The following TENM4 variants were observed in gnomAD, a reference collection of about 807,000 sequenced individuals.
TENM4 encodes teneurin-4.
A neutral mutation model predicts 243.3 loss-of-function variants in TENM4; 82 were observed. That is an observed-to-expected ratio of 0.34 (90% CI 0.28 to 0.40). The LOEUF is 0.40. Ranked by LOEUF, TENM4 falls within the 10% of genes least tolerant of loss-of-function variation. The pLI, the probability that TENM4 is intolerant of heterozygous loss-of-function variation, is 1.00. For synonymous variants in TENM4, 1,412 were observed against 1,456.3 expected (o/e 0.97, Z 0.69); for missense variants, 3,138 against 3,673.3 (o/e 0.85, Z 3.77).
At chr11:79,371,535 C>T (rs928840299) in intron 1 of TENM4, among the ~76,000 whole-genome samples, 1 of 152,198 alleles carries the variant, frequency 6.6e-6, no homozygotes, top group Non-Finnish European at 1.5e-5. Flanking sequence ...CTCACAGCCC[C>T]CATGGGCTTC....
intron 1 of TENM4, among the ~76,000 whole-genome samples, chr11:79,320,276 A>G (rs180981320): frequency 6.6e-6 from 1 of 152,186 alleles, no homozygotes; most frequent in Non-Finnish European, 1.5e-5. Context: ...ATGTCTCCAT[A>G]GCATGGAATT....
intron 12 of TENM4, among the ~76,000 whole-genome samples, chr11:78,852,162 A>G (rs1858555850): frequency 6.6e-6 from 1 of 152,200 alleles, no homozygotes; most frequent in Non-Finnish European, 1.5e-5. Flanking sequence ...TCAGACAGAC[A>G]TCTCTAAAAC....
At chr11:78,808,767 G>A (rs1857439237) in intron 14 of TENM4, among the ~76,000 whole-genome samples, 1 of 152,170 alleles carries the variant, frequency 6.6e-6, no homozygotes, top group Non-Finnish European at 1.5e-5. Context: ...GCAGTCTCCT[G>A]ACACCATTCA....
intron 3 of TENM4, among the ~76,000 whole-genome samples, chr11:79,180,852 C>T (rs1365745337): frequency 6.6e-6 from 1 of 150,772 alleles, no homozygotes; most frequent in Admixed American, 6.6e-5. Context: ...TCTGAATAGT[C>T]ATATATATAC....
chr11:79,336,964 T>C (rs1296300927), intron 1 of TENM4, among the ~76,000 whole-genome samples: 4 of 152,142 alleles, frequency 2.6e-5, no homozygotes. Flanking sequence ...TGGAACCACT[T>C]TGAGAAATCC....
chr11:79,267,271 C>T (rs1855898361), intron 2 of TENM4, among the ~76,000 whole-genome samples: 1 of 152,200 alleles, frequency 6.6e-6, no homozygotes, highest in South Asian at 2.1e-4. Flanking sequence ...ATTGCAAAGC[C>T]TTCTTGTCAA....
At chr11:79,189,725 G>T (rs1863442725) in intron 3 of TENM4, among the ~76,000 whole-genome samples, 2 of 152,202 alleles carry the variant, frequency 1.3e-5, no homozygotes, top group African/African-American at 4.8e-5. Flanking sequence ...ATTTTCCTTT[G>T]ATTTGAAATG....
At chr11:78,672,362 A>C in intron 30 of TENM4, 33 bp from the exon 31 acceptor site, 1 of 1,587,722 alleles carries the variant, frequency 6.3e-7, no homozygotes, top group Admixed American at 1.7e-5. Context: ...AGAGAAAATT[A>C]ATCTGGACCA....
At chr11:79,318,674 T>A (rs1856840601) in intron 1 of TENM4, among the ~76,000 whole-genome samples, 1 of 152,208 alleles carries the variant, frequency 6.6e-6, no homozygotes, top group East Asian at 1.9e-4. Context: ...GGGTAGAGTA[T>A]AATGTAGTAA....
At chr11:79,311,308 A>G (rs1856717889) in intron 1 of TENM4, among the ~76,000 whole-genome samples, 1 of 152,168 alleles carries the variant, frequency 6.6e-6, no homozygotes, top group Non-Finnish European at 1.5e-5. Context: ...TTCTGTGCCT[A>G]TGCCTCACAG....
In TENM4 at chr11:78,654,693, A is replaced by C. The variant is rs1857847799; in HGVS notation, c.*3365T>G. ...AGGCACTGGTGTGGTCCTTGGGTTA[A>C]TTCTCAGCCAACAATTCTGAGAGAT... On this transcript the variant is annotated 3_prime_UTR_variant, in exon 34 of 34. Coordinates refer to ENST00000278550, the MANE Select transcript of TENM4 (RefSeq NM_001098816.3). The C allele has an allele frequency of 6.6e-6, 1 of 151,006 alleles. No homozygotes were observed. Among genetic ancestry groups the C allele is most frequent in the Non-Finnish European group, 1.5e-5 (1 of 67,772 alleles). 9.4% of individuals were successfully genotyped at this position (151,006 alleles called of 1,614,324 possible).
rs533965970 is a variant in TENM4 at position 79,263,959 on chromosome 11, G to T, written c.-265+33529C>A. ...AATATGGTATTTTCCATCAACATTTGGTTTAAAAATAATCTGTGTATTAAG... is the reference window on the plus strand; with the variant it reads ...AATATGGTATTTTCCATCAACATTTTGTTTAAAAATAATCTGTGTATTAAG... On this transcript the variant is annotated intron_variant, in intron 2 of 33. Transcript: ENST00000278550. Among the ~76,000 whole-genome samples the T allele has an allele frequency of 3.9e-5, 6 of 152,250 alleles. No homozygotes were observed. In the South Asian group the frequency reaches 1.2e-3, roughly 32 times the overall value.
Position 78,787,078 on chromosome 11 carries a change from A to C in TENM4, c.2185T>G (p.Cys729Gly). 1 of 1,544,514 alleles carries C rather than the reference A, an allele frequency of 6.5e-7. No individual in the cohort carries two copies. Among genetic ancestry groups the C allele is most frequent in the Non-Finnish European group, 8.8e-7 (1 of 1,142,444 alleles). Residue 729 changes from cysteine to glycine, a missense_variant, in exon 16 of 34, where the codon TGT (cysteine) becomes GGT (glycine). Physicochemically the swap from Cys to Gly is radical, Grantham distance 159 (BLOSUM62 -3). Around this residue, in one of 2 missense-constraint regions of TENM4, gnomAD observed 2,467 missense variants for 3,059.1 expected, o/e 0.81. Coordinates refer to ENST00000278550, the MANE Select transcript of TENM4 (RefSeq NM_001098816.3). ...CCATGGCCACCACAGTCGGCAGCAC[A>C]GATCTCTGTGGGGAGGAGCAGAAGA... is the stretch of plus-strand genomic sequence containing the variant. ...WTGHDCSIEI[C>G]AADCGGHGVC...
chr11:78,753,894 G>T (rs905874348), intron 19 of TENM4, among the ~76,000 whole-genome samples: 10 of 152,162 alleles, frequency 6.6e-5, no homozygotes, highest in Admixed American at 2.0e-4. Flanking sequence ...ACAATGATCT[G>T]CAAAGTTGAC....
At chr11:78,725,983 G>A in intron 23 of TENM4, 96 bp downstream of exon 23, 1 of 1,512,530 alleles carries the variant, frequency 6.6e-7, no homozygotes, top group Admixed American at 1.9e-5. Context: ...GAGCCTATGG[G>A]ATTCAAAATG....
chr11:79,229,467 T>C (rs1367398092), intron 2 of TENM4, among the ~76,000 whole-genome samples: 2 of 152,188 alleles, frequency 1.3e-5, no homozygotes, highest in East Asian at 3.9e-4. Context: ...AAAAATGCCA[T>C]TCTTCCCCTT....
chr11:79,359,974 T>C (rs927615556), intron 1 of TENM4, among the ~76,000 whole-genome samples: 16 of 152,166 alleles, frequency 1.1e-4, no homozygotes, highest in African/African-American at 3.9e-4. Context: ...ACGCATGGCA[T>C]GTACAGTTGA....
intron 4 of TENM4, among the ~76,000 whole-genome samples, chr11:79,129,842 C>T (rs1180361134): frequency 6.6e-6 from 1 of 152,112 alleles, no homozygotes; most frequent in South Asian, 2.1e-4. Flanking sequence ...CGTGGGAGTT[C>T]TAGAGCCCCA....
chr11:78,847,278 G>C (rs142516987), intron 12 of TENM4, among the ~76,000 whole-genome samples: 2 of 152,302 alleles, frequency 1.3e-5, no homozygotes, highest in South Asian at 2.1e-4. Context: ...GGTTCCTGCA[G>C]TGTCCTTGGG....
Sources: gnomAD v4.1 joint callset for allele counts (sites outside exome capture counted in the v4.1 genomes callset) on GRCh38, gnomAD v4.1.1 for gene constraint, gnomAD v4.1.1 regional missense constraint, MANE v1.5 for transcripts, NCBI Gene and HGNC (gene_info 2026-07-23, HGNC 2026-07-21) for gene names.